SNX29: variants seen among roughly 807,000 people sequenced by gnomAD.
SNX29 encodes sorting nexin-29.
SNX29 carries 78 observed loss-of-function variants against 102.1 expected under a neutral mutation model. The ratio of observed to expected loss-of-function variants is 0.76; its 90% CI spans 0.64 to 0.92. SNX29 has a LOEUF of 0.92. SNX29 is among the 40% of genes least tolerant of loss of function. SNX29 has a pLI of 0.00. For synonymous variants in SNX29, 580 were observed against 414.5 expected (o/e 1.40, Z -4.85); for missense variants, 1,280 against 1,061.7 (o/e 1.21, Z -2.86).
rs970264263 is a variant in SNX29 at position 12,572,454 on chromosome 16, A to G, written c.*3825A>G. ...GCTGCCTCTCTTGGTTCTGCATGGT[A>G]CATTTTGCCAACCCTGAGGACCAGT... On this transcript the variant is annotated 3_prime_UTR_variant, in exon 21 of 21. Coordinates refer to ENST00000566228, the MANE Select transcript of SNX29 (RefSeq NM_032167.5). The G allele has an allele frequency of 9.4e-7, 1 of 1,062,810 alleles. No individual in the cohort carries two copies. Among genetic ancestry groups the G allele is most frequent in the Non-Finnish European group, 1.1e-6 (1 of 877,734 alleles). The allele number at this position is 1,062,810 out of a possible 1,614,324, so 65.8% of individuals were successfully genotyped here.
chr16:12,027,314 T>G lies in SNX29; in HGVS notation c.123-6T>G. The G allele has an allele frequency of 1.9e-6, 3 of 1,613,574 alleles. No individual in the cohort carries two copies. The South Asian group carries it at 3.3e-5, about 18-fold the overall frequency. ...GGGGACTGATGAGTCATTGGTTTTC[T>G]CACAGGGTCACCTGTCTGTGTGCCC... is the stretch of plus-strand genomic sequence containing the variant. On this transcript the variant is annotated splice_region_variant and splice_polypyrimidine_tract_variant and intron_variant, in intron 3 of 20. Coordinates refer to ENST00000566228, the MANE Select transcript of SNX29 (RefSeq NM_032167.5).
chr16:12,163,757 C>T (rs183601178), intron 13 of SNX29, among the ~76,000 whole-genome samples: 1 of 152,160 alleles, frequency 6.6e-6, no homozygotes, highest in Non-Finnish European at 1.5e-5. Context: ...TTCCCTGCCT[C>T]GGCACATCCT....
At chr16:12,053,300 A>G (rs1162335430) in intron 8 of SNX29, 1 of 151,380 alleles carries the variant, frequency 6.6e-6, no homozygotes, top group Admixed American at 6.6e-5. Flanking sequence ...AAAAAAAAAA[A>G]AAAAAGTCCC....
intron 14 of SNX29, among the ~76,000 whole-genome samples, chr16:12,217,470 T>G (rs1024201555): frequency 2.0e-5 from 3 of 152,174 alleles, no homozygotes; most frequent in Non-Finnish European, 4.4e-5. Flanking sequence ...CTCAATACTT[T>G]GAAACCTACA....
At chr16:12,553,382 G>A (rs536323388) in intron 20 of SNX29, among the ~76,000 whole-genome samples, 1 of 152,198 alleles carries the variant, frequency 6.6e-6, no homozygotes, top group Non-Finnish European at 1.5e-5. Flanking sequence ...ATGCTCTCAA[G>A]TTGAACATAT....
intron 17 of SNX29, among the ~76,000 whole-genome samples, chr16:12,403,068 C>T (rs1277522020): frequency 3.9e-5 from 6 of 152,142 alleles, no homozygotes; most frequent in South Asian, 2.1e-4. Context: ...CTCCTGTGAT[C>T]GCGTCCTTGG....
At chr16:12,390,496 C>T (rs2083492759) in intron 16 of SNX29, among the ~76,000 whole-genome samples, 1 of 152,134 alleles carries the variant, frequency 6.6e-6, no homozygotes, top group South Asian at 2.1e-4. Context: ...AGCCCCGGGA[C>T]TTCCTCTCCC....
At chr16:12,193,437 C>T (rs557965844) in intron 13 of SNX29, among the ~76,000 whole-genome samples, 9 of 150,158 alleles carry the variant, frequency 6.0e-5, no homozygotes, top group East Asian at 3.9e-4. Context: ...CCACTGCACT[C>T]CAGCCTGGGC....
intron 15 of SNX29, among the ~76,000 whole-genome samples, chr16:12,297,910 C>G (rs1279833882): frequency 6.6e-6 from 1 of 152,202 alleles, no homozygotes; most frequent in Non-Finnish European, 1.5e-5. Flanking sequence ...TGGCTCATAC[C>G]TGTAATCCCA....
intron 11 of SNX29, among the ~76,000 whole-genome samples, chr16:12,092,647 A>G (rs980746178): frequency 2.0e-5 from 3 of 152,194 alleles, no homozygotes; most frequent in South Asian, 2.1e-4. Context: ...TTCGCAAGCT[A>G]TGAAGTGGAG....
chr16:12,260,201 T>G (rs769682921), intron 14 of SNX29, among the ~76,000 whole-genome samples: 3 of 152,244 alleles, frequency 2.0e-5, no homozygotes, highest in East Asian at 3.8e-4. Context: ...GACTTTGCCT[T>G]GACCTTGGGT....
chr16:11,999,574 C>G (rs1272006336), intron 2 of SNX29, among the ~76,000 whole-genome samples: 3 of 152,168 alleles, frequency 2.0e-5, no homozygotes. Flanking sequence ...CCAAAGCCCT[C>G]TAGAGGACCC....
At chr16:12,440,552 C>T (rs572084625) in intron 18 of SNX29, among the ~76,000 whole-genome samples, 6 of 152,186 alleles carry the variant, frequency 3.9e-5, no homozygotes, top group Admixed American at 1.3e-4. Flanking sequence ...GGTATTAAGC[C>T]GAGTCCTCAT....
At chr16:12,275,426 A>G (rs576873306) in intron 14 of SNX29, among the ~76,000 whole-genome samples, 5 of 152,366 alleles carry the variant, frequency 3.3e-5, no homozygotes, top group Non-Finnish European at 5.9e-5. Context: ...GAGAATAAAC[A>G]TGTATATTTT....
At chr16:12,087,917 T>C (rs1227169237) in intron 11 of SNX29, 2 of 456,784 alleles carry the variant, frequency 4.4e-6, no homozygotes, top group Admixed American at 2.3e-5. Flanking sequence ...GTGGAGCTGC[T>C]GCCGCCTCTG....
chr16:12,281,177 G>T (rs1285480348), intron 15 of SNX29, among the ~76,000 whole-genome samples: 1 of 152,198 alleles, frequency 6.6e-6, no homozygotes, highest in African/African-American at 2.4e-5. Context: ...GCCTCTCAAA[G>T]TGCTGGGATC....
At chr16:12,484,150 C>A (rs1300599631) in intron 19 of SNX29, among the ~76,000 whole-genome samples, 3 of 152,146 alleles carry the variant, frequency 2.0e-5, no homozygotes, top group African/African-American at 7.2e-5. Context: ...CTCTTTCTCC[C>A]TCTCTCTTTT....
At chr16:12,144,074 C>T (rs1298058103) in intron 13 of SNX29, among the ~76,000 whole-genome samples, 2 of 152,126 alleles carry the variant, frequency 1.3e-5, no homozygotes, top group Non-Finnish European at 2.9e-5. Flanking sequence ...GCCTGCTATC[C>T]TGGAGTTCTA....
At chr16:12,204,277 C>T (rs920616911) in intron 14 of SNX29, among the ~76,000 whole-genome samples, 1 of 152,196 alleles carries the variant, frequency 6.6e-6, no homozygotes, top group African/African-American at 2.4e-5. Context: ...CTCCCCTGCT[C>T]CTGTTATCAA....
Sources: gnomAD v4.1 joint callset for allele counts (sites outside exome capture counted in the v4.1 genomes callset) on GRCh38, gnomAD v4.1.1 for gene constraint, MANE v1.5 for transcripts, NCBI Gene and HGNC (gene_info 2026-07-23, HGNC 2026-07-21) for gene names.